Variants in BICC1 observed in about 807,000 individuals in gnomAD.
BICC1 encodes BicC family RNA binding protein 1.
A neutral mutation model predicts 111.0 loss-of-function variants in BICC1; 43 were observed. The ratio of observed to expected loss-of-function variants is 0.39; its 90% CI spans 0.30 to 0.50. BICC1 has a LOEUF of 0.50. Among genes scored for constraint, BICC1 ranks in the 20% least tolerant of loss-of-function variants. The pLI is 0.88. For missense variants in BICC1, 1,091 were observed against 1,203.2 expected, an observed-to-expected ratio of 0.91 and a Z score of 1.38; for synonymous variants, 467 against 434.4, an observed-to-expected ratio of 1.07 and a Z score of -0.93.
intron 2 of BICC1, among the ~76,000 whole-genome samples, chr10:58,646,091 T>C (rs1259534932): frequency 6.6e-6 from 1 of 152,070 alleles, no homozygotes; most frequent in Non-Finnish European, 1.5e-5. Context: ...TGAAGAACTG[T>C]TTAACCATAG....
chr10:58,606,183 A>G (rs1334605008), intron 1 of BICC1, among the ~76,000 whole-genome samples: 4 of 151,590 alleles, frequency 2.6e-5, no homozygotes, highest in Admixed American at 2.6e-4. Context: ...ATTTCTCCTC[A>G]CTCTTTTCTA....
rs572271355 is a variant in BICC1 at position 58,627,383 on chromosome 10, T to G, written c.237+6482T>G. ...AGTTAAGAGACTTATTGGCATTAGT[T>G]TAAAAAGGTTTGTATATTATTTTGT... On this transcript the variant is annotated intron_variant, in intron 2 of 20. Transcript: ENST00000373886. Among the ~76,000 whole-genome samples, 3 of 152,348 alleles carry G rather than the reference T, an allele frequency of 2.0e-5. No homozygotes were observed. In the East Asian group the frequency reaches 5.8e-4, roughly 29 times the overall value.
chr10:58,786,795 T>A (rs1002561856), intron 4 of BICC1, 128 bp from the exon 5 acceptor site: 19 of 506,732 alleles, frequency 3.7e-5, no homozygotes, highest in Non-Finnish European at 5.1e-5. Flanking sequence ...ATTAAGATGA[T>A]CTTATTAAGA....
At position 58,829,191 on chromosome 10, in the gene BICC1, A is replaced by ATTTTTTTTTTT. The variant is rs71006209; in HGVS notation, c.*321_*331dup. On this transcript the variant is annotated 3_prime_UTR_variant, in exon 21 of 21. Coordinates refer to ENST00000373886, the MANE Select transcript of BICC1 (RefSeq NM_001080512.3). ...TACCTATATAACATATGCACTGATG[A>ATTTTTTTTTTT]TTTTTTTTTTTTTTTTTTTTTTTTT... The ATTTTTTTTTTT allele has an allele frequency of 4.0e-4, 17 of 42,410 alleles. 3 individuals carry two copies. Among genetic ancestry groups the ATTTTTTTTTTT allele is most frequent in the East Asian group, 2.0e-3 (2 of 998 alleles). The allele number at this position is 42,410 out of a possible 1,614,324, so 2.6% of individuals were successfully genotyped here. A position where few individuals can be genotyped will look rare whatever the true frequency, so the allele number is the denominator to read the frequency against.
At chr10:58,672,262 T>A (rs546295301) in intron 2 of BICC1, among the ~76,000 whole-genome samples, 1 of 152,232 alleles carries the variant, frequency 6.6e-6, no homozygotes, top group East Asian at 1.9e-4. Flanking sequence ...CTCCTCCCAG[T>A]CCCTAGCAAC....
At chr10:58,715,890 T>A in intron 3 of BICC1, 6 of 1,234,304 alleles carry the variant, frequency 4.9e-6, no homozygotes, top group Non-Finnish European at 5.8e-6. Flanking sequence ...CAAGCTCTGA[T>A]TCTTCCAGCA....
chr10:58,693,089 C>T (rs1008493300), intron 2 of BICC1, among the ~76,000 whole-genome samples: 3 of 152,034 alleles, frequency 2.0e-5, no homozygotes, highest in Non-Finnish European at 4.4e-5. Flanking sequence ...CAATTCCCAC[C>T]TATGAGTGAG....
At chr10:58,641,275 C>T (rs900098197) in intron 2 of BICC1, among the ~76,000 whole-genome samples, 2 of 152,184 alleles carry the variant, frequency 1.3e-5, no homozygotes, top group Non-Finnish European at 1.5e-5. Context: ...TCATTATCTA[C>T]TCTGTGTTGG....
At chr10:58,593,215 C>T (rs1295559294) in intron 1 of BICC1, among the ~76,000 whole-genome samples, 1 of 152,072 alleles carries the variant, frequency 6.6e-6, no homozygotes, top group Non-Finnish European at 1.5e-5. Context: ...GGCAGGGCAT[C>T]TCTGAAAAAA....
chr10:58,777,381 C>T (rs12777552), intron 3 of BICC1, among the ~76,000 whole-genome samples: 118,278 of 152,056 alleles, frequency 0.78, 46,399 homozygotes, highest in East Asian at 1. Context: ...ACTCTTCCAT[C>T]GCTGATTATA....
At chr10:58,545,997 T>C (rs1843128275) in intron 1 of BICC1, among the ~76,000 whole-genome samples, 1 of 152,206 alleles carries the variant, frequency 6.6e-6, no homozygotes, top group Admixed American at 6.6e-5. Context: ...TATCTTGTTT[T>C]ATCTATTACA....
chr10:58,701,046 C>T lies in BICC1; in HGVS notation c.238-1028C>T, dbSNP rs1213364151. Among the ~76,000 whole-genome samples the T allele has an allele frequency of 3.3e-5, 5 of 152,204 alleles. No individual in the cohort carries two copies. In the East Asian group the frequency reaches 9.7e-4, roughly 29 times the overall value. On this transcript the variant is annotated intron_variant, in intron 2 of 20. Coordinates refer to ENST00000373886, the MANE Select transcript of BICC1 (RefSeq NM_001080512.3). ...GCTCATGAAGTTTGATGTATGTGAACCATTTCCTTGTGCCCGGTACGTAGC... is the reference window on the plus strand; with the variant it reads ...GCTCATGAAGTTTGATGTATGTGAATCATTTCCTTGTGCCCGGTACGTAGC...
chr10:58,682,323 G>C (rs1376828375), intron 2 of BICC1, among the ~76,000 whole-genome samples: 3 of 152,080 alleles, frequency 2.0e-5, no homozygotes, highest in African/African-American at 2.4e-5. Flanking sequence ...TGCCACAATA[G>C]ACATACATGT....
intron 1 of BICC1, among the ~76,000 whole-genome samples, chr10:58,575,217 G>A (rs1844075088): frequency 6.6e-6 from 1 of 151,732 alleles, no homozygotes; most frequent in African/African-American, 2.4e-5. Context: ...GGTGTATGAT[G>A]TCCCCCTCTC....
At chr10:58,628,707 T>A (rs926594716) in intron 2 of BICC1, among the ~76,000 whole-genome samples, 1 of 152,188 alleles carries the variant, frequency 6.6e-6, no homozygotes, top group African/African-American at 2.4e-5. Flanking sequence ...ATAATATTCA[T>A]AATATTAAGG....
intron 1 of BICC1, among the ~76,000 whole-genome samples, chr10:58,528,246 G>C (rs1001655733): frequency 9.9e-5 from 15 of 151,862 alleles, no homozygotes; most frequent in Non-Finnish European, 4.4e-5. Context: ...AGGCAGAGCA[G>C]TTCTCCATAT....
chr10:58,601,507 T>C (rs1489996759), intron 1 of BICC1, among the ~76,000 whole-genome samples: 1 of 151,962 alleles, frequency 6.6e-6, no homozygotes, highest in Non-Finnish European at 1.5e-5. Flanking sequence ...TTGCTTATTA[T>C]GTGTATTACT....
At chr10:58,584,865 A>T (rs1317063581) in intron 1 of BICC1, among the ~76,000 whole-genome samples, 1 of 152,198 alleles carries the variant, frequency 6.6e-6, no homozygotes, top group Non-Finnish European at 1.5e-5. Context: ...TGAGTGCGGA[A>T]GAGTTTTACA....
intron 1 of BICC1, among the ~76,000 whole-genome samples, chr10:58,549,178 A>G (rs747118435): frequency 5.9e-5 from 9 of 151,618 alleles, no homozygotes; most frequent in Non-Finnish European, 7.4e-5. Context: ...ATAGTATTCT[A>G]TTATATGGAT....
Sources: gnomAD v4.1 joint callset for allele counts (sites outside exome capture counted in the v4.1 genomes callset) on GRCh38, gnomAD v4.1.1 for gene constraint, MANE v1.5 for transcripts, NCBI Gene and HGNC (gene_info 2026-07-23, HGNC 2026-07-21) for gene names.